The following STXBP5 variants were observed in gnomAD, a reference collection of about 807,000 sequenced individuals.
The protein encoded by STXBP5 is syntaxin binding protein 5, also known as syntaxin-binding protein 5.
In STXBP5, 50 loss-of-function variants were observed where a neutral mutation model predicts 152.4. That is an observed-to-expected ratio of 0.33 (90% confidence interval 0.26 to 0.42). The LOEUF (loss-of-function observed/expected upper bound fraction) is 0.42, where lower values mean the gene tolerates loss of function less well. Ranked by LOEUF, STXBP5 falls within the 10% of genes least tolerant of loss-of-function variation. The pLI, the probability that STXBP5 is intolerant of heterozygous loss-of-function variation, is 1.00. For synonymous variants in STXBP5, 492 were observed against 494.7 expected (o/e 0.99, Z 0.07); for missense variants, 1,167 against 1,388.6 (o/e 0.84, Z 2.54).
intron 25 of STXBP5, among the ~76,000 whole-genome samples, chr6:147,369,329 A>G (rs1785439816): frequency 6.6e-6 from 1 of 152,104 alleles, no homozygotes. Flanking sequence ...TTCAAAATGT[A>G]TTATGGACCT....
intron 4 of STXBP5, among the ~76,000 whole-genome samples, chr6:147,244,987 C>CT (rs57889304): frequency 0.07 from 6,049 of 86,100 alleles, 749 homozygotes; most frequent in African/African-American, 0.16. Context: ...TGCTGAGCTG[C>CT]TTTTTTTTTT....
intron 7 of STXBP5, among the ~76,000 whole-genome samples, chr6:147,276,036 G>T (rs949181876): frequency 6.6e-6 from 1 of 151,982 alleles, no homozygotes; most frequent in African/African-American, 2.4e-5. Context: ...CTGATTTTGA[G>T]CATGTGTCAG....
At chr6:147,343,401 GTCTTC>G (rs1243262143) in intron 21 of STXBP5, among the ~76,000 whole-genome samples, 1 of 152,078 alleles carries the variant, frequency 6.6e-6, no homozygotes, top group African/African-American at 2.4e-5. Context: ...TATAACTAAA[GTCTTC>G]TCTTTGTTGT....
Position 147,260,626 on chromosome 6 carries a change from G to T in STXBP5, c.443G>T (p.Cys148Phe). 1 of 1,613,376 alleles carries T rather than the reference G, an allele frequency of 6.2e-7. No individual in the cohort carries two copies. Among genetic ancestry groups the T allele is most frequent in the Non-Finnish European group, 8.5e-7 (1 of 1,179,644 alleles). ...TTTTTCTCTTGCAGGGTTACATTTT[G>T]CCATCTGCCTTTCCAGAGTAAGTGG... Reference protein sequence around the residue: ...LKFCRERVTFCHLPFQSKWLY... With the variant: ...LKFCRERVTFFHLPFQSKWLY... The change falls in exon 5 of 28, where the codon TGC (cysteine) becomes TTC (phenylalanine). Residue 148 changes from cysteine (C) to phenylalanine (F), a missense_variant. Physicochemically the swap from Cys to Phe is radical, Grantham distance 205. This residue lies in a region of STXBP5 where 310 missense variants were observed against 346.1 expected (regional missense o/e 0.90). Coordinates refer to ENST00000321680, the MANE Select transcript of STXBP5 (RefSeq NM_001127715.4).
At chr6:147,214,702 A>G (rs1167860070) in intron 2 of STXBP5, among the ~76,000 whole-genome samples, 3 of 152,224 alleles carry the variant, frequency 2.0e-5, no homozygotes, top group African/African-American at 7.2e-5. Flanking sequence ...ATGTCTAAAA[A>G]TAGACCTTTT....
At chr6:147,350,049 A>G (rs1398485086) in intron 21 of STXBP5, among the ~76,000 whole-genome samples, 2 of 152,194 alleles carry the variant, frequency 1.3e-5, no homozygotes, top group African/African-American at 4.8e-5. Flanking sequence ...GGAGAAAATA[A>G]TAAATTGACT....
intron 9 of STXBP5, among the ~76,000 whole-genome samples, chr6:147,294,722 A>T (rs571779147): frequency 1.3e-5 from 2 of 152,328 alleles, no homozygotes; most frequent in Admixed American, 1.3e-4. Flanking sequence ...ATGGTTCATT[A>T]GTGGGTTGTG....
intron 16 of STXBP5, among the ~76,000 whole-genome samples, chr6:147,317,115 T>C (rs1272156782): frequency 6.6e-6 from 1 of 152,158 alleles, no homozygotes; most frequent in Non-Finnish European, 1.5e-5. Flanking sequence ...AGAGATTCAG[T>C]AGATTGGTAG....
chr6:147,295,600 A>G (rs1291955574), intron 9 of STXBP5, among the ~76,000 whole-genome samples: 3 of 152,138 alleles, frequency 2.0e-5, no homozygotes, highest in African/African-American at 7.2e-5. Context: ...GGGGAGCAAA[A>G]CACCCTGACT....
intron 10 of STXBP5, among the ~76,000 whole-genome samples, chr6:147,310,834 G>C (rs1782336566): frequency 6.6e-6 from 1 of 152,020 alleles, no homozygotes; most frequent in African/African-American, 2.4e-5. Context: ...AGAATCTACT[G>C]ATTTAAATGC....
intron 18 of STXBP5, among the ~76,000 whole-genome samples, chr6:147,333,086 C>G (rs1783658068): frequency 6.6e-6 from 1 of 152,082 alleles, no homozygotes; most frequent in South Asian, 2.1e-4. Flanking sequence ...TCTTAGTGTT[C>G]TATCAATAAA....
At chr6:147,375,517 CAT>C (rs1785766593) in intron 26 of STXBP5, among the ~76,000 whole-genome samples, 1 of 151,360 alleles carries the variant, frequency 6.6e-6, no homozygotes, top group Admixed American at 6.6e-5. Flanking sequence ...CAAAATAAAA[CAT>C]GTAGGAGAGG....
chr6:147,234,659 T>A (rs565967462), intron 2 of STXBP5, among the ~76,000 whole-genome samples: 4 of 152,104 alleles, frequency 2.6e-5, no homozygotes, highest in Admixed American at 1.3e-4. Flanking sequence ...GTATGCCAAT[T>A]CATTTTAATC....
chr6:147,381,324 A>G (rs1786074401), intron 26 of STXBP5, among the ~76,000 whole-genome samples: 1 of 152,194 alleles, frequency 6.6e-6, no homozygotes, highest in Non-Finnish European at 1.5e-5. Context: ...AGTCAAATCC[A>G]CAATGTGATA....
intron 18 of STXBP5, among the ~76,000 whole-genome samples, chr6:147,332,167 A>G (rs1420736163): frequency 6.6e-6 from 1 of 152,202 alleles, no homozygotes; most frequent in Non-Finnish European, 1.5e-5. Context: ...GTTACATGCT[A>G]TGAAATTCTT....
chr6:147,278,913 C>A (rs1272184940), intron 8 of STXBP5, among the ~76,000 whole-genome samples: 1 of 152,124 alleles, frequency 6.6e-6, no homozygotes, highest in East Asian at 1.9e-4. Flanking sequence ...GCCTTGGAGT[C>A]CAGGGTTTTT....
chr6:147,286,157 G>A (rs1173510665), intron 8 of STXBP5, among the ~76,000 whole-genome samples: 1 of 151,946 alleles, frequency 6.6e-6, no homozygotes, highest in African/African-American at 2.4e-5. Flanking sequence ...TATTTTCCTT[G>A]CAATTCTCTC....
intron 11 of STXBP5, among the ~76,000 whole-genome samples, chr6:147,312,559 G>T (rs1000050196): frequency 6.6e-6 from 1 of 152,064 alleles, no homozygotes; most frequent in Admixed American, 6.6e-5. Flanking sequence ...CTGGCATCTA[G>T]TGGGTAGAAG....
intron 2 of STXBP5, among the ~76,000 whole-genome samples, chr6:147,210,431 T>C (rs1776789662): frequency 6.6e-6 from 1 of 152,210 alleles, no homozygotes. Context: ...TTTCCAGAAT[T>C]TTGTTACTGA....
Sources: allele counts gnomAD v4.1 joint callset (sites outside exome capture counted in the v4.1 genomes callset), GRCh38; gene constraint gnomAD v4.1.1; regional missense constraint gnomAD v4.1.1; transcripts MANE v1.5; gene names NCBI Gene and HGNC (gene_info 2026-07-23, HGNC 2026-07-21).